PAK1: variants seen among roughly 807,000 people sequenced by gnomAD.
The protein encoded by PAK1 is p21 (RAC1) activated kinase 1, also known as serine/threonine-protein kinase PAK 1.
A neutral mutation model predicts 67.4 loss-of-function variants in PAK1; 29 were observed. That is an observed-to-expected ratio of 0.43 (90% CI 0.32 to 0.59). The LOEUF (loss-of-function observed/expected upper bound fraction) is 0.59, where lower values mean the gene tolerates loss of function less well. Ranked by LOEUF, PAK1 falls within the 20% of genes least tolerant of loss-of-function variation. The pLI, the probability that PAK1 is intolerant of heterozygous loss-of-function variation, is 0.07. For synonymous variants in PAK1, 223 were observed against 237.4 expected (o/e 0.94, Z 0.56); for missense variants, 337 against 670.7 (o/e 0.50, Z 5.50).
At chr11:77,340,841 C>G in intron 10 of PAK1, 78 bp from the exon 11 acceptor site, 1 of 821,382 alleles carries the variant, frequency 1.2e-6, no homozygotes, top group Non-Finnish European at 2.2e-6. Context: ...AAAGGCTAAG[C>G]ATATACACAG....
chr11:77,344,294 A>C (rs1281114234), intron 9 of PAK1, among the ~76,000 whole-genome samples: 1 of 152,242 alleles, frequency 6.6e-6, no homozygotes, highest in African/African-American at 2.4e-5. Context: ...GAGATGCTAT[A>C]ACAGAGGCTC....
intron 14 of PAK1, 112 bp downstream of exon 14, chr11:77,332,617 TG>T: frequency 1.3e-6 from 1 of 790,372 alleles, no homozygotes; most frequent in Non-Finnish European, 2.1e-6. Context: ...GTGTAGGAAG[TG>T]GTAGAAGAGA....
intron 1 of PAK1, among the ~76,000 whole-genome samples, chr11:77,410,293 C>T (rs1954311333): frequency 6.6e-6 from 1 of 152,110 alleles, no homozygotes; most frequent in African/African-American, 2.4e-5. Flanking sequence ...TTGCTTATTC[C>T]CTACTGCCTA....
At chr11:77,466,294 C>G (rs1467612532) in intron 1 of PAK1, among the ~76,000 whole-genome samples, 3 of 152,094 alleles carry the variant, frequency 2.0e-5, no homozygotes, top group Non-Finnish European at 4.4e-5. Context: ...TGTGGTTACA[C>G]AGTAATAATT....
intron 1 of PAK1, among the ~76,000 whole-genome samples, chr11:77,461,774 A>G (rs760770996): frequency 6.6e-6 from 1 of 152,248 alleles, no homozygotes; most frequent in African/African-American, 2.4e-5. Context: ...TTTTAATGGA[A>G]CAAAGTCACA....
At chr11:77,449,541 T>C (rs564131537) in intron 1 of PAK1, among the ~76,000 whole-genome samples, 6 of 152,258 alleles carry the variant, frequency 3.9e-5, no homozygotes, top group African/African-American at 1.4e-4. Context: ...GCAGACTCTT[T>C]TATCATCTCA....
At chr11:77,395,992 C>A (rs1165457188) in intron 1 of PAK1, among the ~76,000 whole-genome samples, 1 of 152,172 alleles carries the variant, frequency 6.6e-6, no homozygotes, top group Non-Finnish European at 1.5e-5. Context: ...CTGCAGCCAT[C>A]TGATACCCTA....
intron 11 of PAK1, among the ~76,000 whole-genome samples, chr11:77,340,273 C>T: frequency 6.6e-6 from 1 of 151,918 alleles, no homozygotes. Flanking sequence ...CCTTATAGCA[C>T]ATAAATAAAG....
At chr11:77,495,209 C>T in the PAK1 span, among the ~76,000 whole-genome samples, 1 of 149,568 alleles carries the variant, frequency 6.7e-6, no homozygotes, top group African/African-American at 2.5e-5. Context: ...TGCAGTGGCT[C>T]ACACCTGTAA....
chr11:77,352,417 C>T (rs577648392), intron 8 of PAK1, among the ~76,000 whole-genome samples: 6 of 152,228 alleles, frequency 3.9e-5, no homozygotes, highest in South Asian at 2.1e-4. Flanking sequence ...AACGATGGAC[C>T]GCATATGATG....
chr11:77,429,683 A>T (rs1490741415), intron 1 of PAK1, among the ~76,000 whole-genome samples: 2 of 152,246 alleles, frequency 1.3e-5, no homozygotes, highest in Non-Finnish European at 2.9e-5. Context: ...AAGGTTATCA[A>T]AGTTAAGGAA....
At chr11:77,347,945 A>G (rs1000399355) in intron 9 of PAK1, among the ~76,000 whole-genome samples, 3 of 152,140 alleles carry the variant, frequency 2.0e-5, no homozygotes, top group African/African-American at 7.2e-5. Flanking sequence ...ATAAGTAGCT[A>G]AAGGCTTATA....
At chr11:77,333,387 G>A (rs917904312) in intron 13 of PAK1, among the ~76,000 whole-genome samples, 3 of 151,926 alleles carry the variant, frequency 2.0e-5, no homozygotes, top group Admixed American at 2.0e-4. Context: ...CAGTAGAGAC[G>A]GGGTTTTACC....
At chr11:77,401,794 A>T (rs1565671031) in intron 1 of PAK1, among the ~76,000 whole-genome samples, 1 of 152,218 alleles carries the variant, frequency 6.6e-6, no homozygotes, top group Non-Finnish European at 1.5e-5. Context: ...CCCGAAATGT[A>T]ACAGCATTCT....
Position 77,473,757 on chromosome 11 carries a change from G to T in PAK1, c.-227C>A, listed in dbSNP as rs988606134. On this transcript the variant is annotated 5_prime_UTR_variant, in exon 1 of 15. Coordinates refer to ENST00000356341, the MANE Select transcript of PAK1 (RefSeq NM_002576.5). ...ATGATGGGGGGGCGGGAGGGAGCGA[G>T]GCGACGCGGGCGGGGGGGGAAGGGG... 6.6e-6 allele frequency: 1 copy of T among 151,198 alleles called. No homozygotes were observed. Among genetic ancestry groups the T allele is most frequent in the Non-Finnish European group, 1.5e-5 (1 of 67,728 alleles). The allele number at this position is 151,198 out of a possible 1,614,324, so 9.4% of individuals were successfully genotyped here.
At chr11:77,414,135 A>T (rs955765616) in intron 1 of PAK1, among the ~76,000 whole-genome samples, 4 of 152,230 alleles carry the variant, frequency 2.6e-5, no homozygotes, top group African/African-American at 4.8e-5. Flanking sequence ...AAGTCACATT[A>T]AAGGCTTGCA....
intron 1 of PAK1, among the ~76,000 whole-genome samples, chr11:77,464,534 T>C (rs543969082): frequency 6.6e-6 from 1 of 152,328 alleles, no homozygotes; most frequent in East Asian, 1.9e-4. Flanking sequence ...CTAAGTACAA[T>C]GCTTGGCACA....
chr11:77,495,734 T>C, the PAK1 span, among the ~76,000 whole-genome samples: 105 of 152,296 alleles, frequency 6.9e-4, no homozygotes, highest in Middle Eastern at 3.4e-3. Context: ...TTCTTGCACA[T>C]GCTACAACAT....
At chr11:77,366,414 G>A (rs531090035) in intron 5 of PAK1, among the ~76,000 whole-genome samples, 9 of 152,198 alleles carry the variant, frequency 5.9e-5, no homozygotes, top group African/African-American at 2.2e-4. Context: ...GTACGTACAC[G>A]TGCACACACA....
Sources: gnomAD v4.1 joint callset for allele counts (sites outside exome capture counted in the v4.1 genomes callset) on GRCh38, gnomAD v4.1.1 for gene constraint, MANE v1.5 for transcripts, NCBI Gene and HGNC (gene_info 2026-07-23, HGNC 2026-07-21) for gene names.